VAT1L: variants seen among roughly 807,000 people sequenced by gnomAD.
VAT1L encodes putative NADPH-dependent quinone oxidoreductase VAT1L.
VAT1L carries 34 observed loss-of-function variants against 44.1 expected under a neutral mutation model. That is an observed-to-expected ratio of 0.77 (90% CI 0.59 to 1.03). The LOEUF is 1.03. Among genes scored for constraint, VAT1L ranks in the 50% least tolerant of loss-of-function variants. The probability of loss-of-function intolerance (pLI) is 0.00; values close to 1 mark genes in which losing one functional copy is unlikely to be tolerated. For synonymous variants in VAT1L, 253 were observed against 202.2 expected, an observed-to-expected ratio of 1.25 and a Z score of -2.13; for missense variants, 615 against 538.8, an observed-to-expected ratio of 1.14 and a Z score of -1.40.
chr16:77,918,832 C>A (rs577230937), intron 7 of VAT1L, among the ~76,000 whole-genome samples: 1 of 152,052 alleles, frequency 6.6e-6, no homozygotes, highest in Non-Finnish European at 1.5e-5. Context: ...AGGTTCAGAA[C>A]GCATAGCAGA....
intron 4 of VAT1L, 57 bp downstream of exon 4, chr16:77,862,947 G>C: frequency 6.4e-7 from 1 of 1,565,516 alleles, no homozygotes; most frequent in Non-Finnish European, 8.7e-7. Flanking sequence ...CTCTCAAAGA[G>C]CAGTAGCACT....
chr16:77,915,095 A>C (rs1407435614), intron 7 of VAT1L, among the ~76,000 whole-genome samples: 1 of 152,128 alleles, frequency 6.6e-6, no homozygotes, highest in African/African-American at 2.4e-5. Context: ...ATTGCACTCC[A>C]GCCTGGGTGA....
At chr16:77,808,866 C>T (rs1174953271) in intron 1 of VAT1L, among the ~76,000 whole-genome samples, 1 of 152,084 alleles carries the variant, frequency 6.6e-6, no homozygotes, top group South Asian at 2.1e-4. Context: ...CAAAGTGCTG[C>T]GATTATAGGC....
At chr16:77,949,928 T>G (rs1221864572) in intron 7 of VAT1L, among the ~76,000 whole-genome samples, 1 of 152,242 alleles carries the variant, frequency 6.6e-6, no homozygotes, top group African/African-American at 2.4e-5. Context: ...ACTTTTATTT[T>G]GGTGTTACTT....
intron 3 of VAT1L, among the ~76,000 whole-genome samples, chr16:77,835,916 C>T (rs1447956134): frequency 6.6e-6 from 1 of 152,018 alleles, no homozygotes; most frequent in Non-Finnish European, 1.5e-5. Flanking sequence ...CTCCTAAAAT[C>T]CTCCCTGTTG....
At chr16:77,813,951 C>T (rs1460425199) in intron 1 of VAT1L, among the ~76,000 whole-genome samples, 1 of 152,124 alleles carries the variant, frequency 6.6e-6, no homozygotes, top group Non-Finnish European at 1.5e-5. Context: ...AGAGAAGTTC[C>T]CCTTAAAGAG....
At chr16:77,889,758 G>A (rs1002746207) in intron 7 of VAT1L, among the ~76,000 whole-genome samples, 1 of 152,186 alleles carries the variant, frequency 6.6e-6, no homozygotes, top group Non-Finnish European at 1.5e-5. Flanking sequence ...AATTTCAACT[G>A]CAACTGGCTT....
In VAT1L at chr16:77,879,566, G is replaced by A. The variant is rs993156635; in HGVS notation, c.882+342G>A. On this transcript the variant is annotated intron_variant, in intron 6 of 8. Coordinates refer to ENST00000302536, the MANE Select transcript of VAT1L (RefSeq NM_020927.3). This position sits in a 1 kb window ranked among gnomAD's most constrained non-coding sequence, Gnocchi z 4.1. ...CTCCCAAAGTGCTGGGATTACAGGC[G>A]TGAGCCACCGCACCCAGCTGTGAGC... is the stretch of plus-strand genomic sequence containing the variant. Among the ~76,000 whole-genome samples, 3 of 152,184 alleles carry A rather than the reference G, an allele frequency of 2.0e-5. No individual in the cohort carries two copies. Among genetic ancestry groups the A allele is most frequent in the Non-Finnish European group, 2.9e-5 (2 of 68,036 alleles).
chr16:77,882,067 G>A (rs942978898), intron 6 of VAT1L: 10 of 152,300 alleles, frequency 6.6e-5, no homozygotes, highest in Non-Finnish European at 1.0e-4. Context: ...TTTGTACCTG[G>A]AGGTCAAGAA....
intron 7 of VAT1L, among the ~76,000 whole-genome samples, chr16:77,923,067 C>T (rs1482864201): frequency 6.6e-6 from 1 of 152,232 alleles, no homozygotes. Flanking sequence ...GTTCTCCCAG[C>T]TCTCAATTCC....
At chr16:77,864,231 C>T (rs973652286) in intron 4 of VAT1L, among the ~76,000 whole-genome samples, 6 of 152,170 alleles carry the variant, frequency 3.9e-5, no homozygotes, top group African/African-American at 1.2e-4. Flanking sequence ...GCCATTGTTT[C>T]GGCATTCTCA....
intron 7 of VAT1L, among the ~76,000 whole-genome samples, chr16:77,932,288 G>A (rs1279883023): frequency 6.6e-6 from 1 of 151,756 alleles, no homozygotes; most frequent in Non-Finnish European, 1.5e-5. Flanking sequence ...GTATTTTTTA[G>A]TAGAGACGGG....
intron 8 of VAT1L, among the ~76,000 whole-genome samples, chr16:77,976,518 C>T (rs887014206): frequency 2.0e-5 from 3 of 152,098 alleles, no homozygotes; most frequent in African/African-American, 7.2e-5. Flanking sequence ...GGGCCAAATT[C>T]CTGTTTGTCA....
In VAT1L at chr16:77,977,606, G is replaced by C; in HGVS notation, c.1171G>C (p.Asp391His). ...EKTPTPLMAN[D>H]STETSEAGEE... Reference sequence around the variant, plus strand: ...CTCTTTTGAATTACAGATGGCCAATGACAGCACAGAGACCAGTGAAGCAGG... The same window carrying C: ...CTCTTTTGAATTACAGATGGCCAATCACAGCACAGAGACCAGTGAAGCAGG... Residue 391 changes from aspartate to histidine, a missense_variant, in exon 9 of 9, where the codon GAC (aspartate) becomes CAC (histidine). Coordinates refer to ENST00000302536, the MANE Select transcript of VAT1L (RefSeq NM_020927.3). 4 of 1,614,036 alleles carry C rather than the reference G, an allele frequency of 2.5e-6. 1 individual carries two copies. Among genetic ancestry groups the C allele is most frequent in the South Asian group, 2.2e-5 (2 of 91,052 alleles).
At chr16:77,959,565 C>T (rs532777189) in intron 7 of VAT1L, among the ~76,000 whole-genome samples, 1 of 152,098 alleles carries the variant, frequency 6.6e-6, no homozygotes, top group East Asian at 1.9e-4. Flanking sequence ...CATGGAATTA[C>T]CCCCCTCTTG....
At chr16:77,927,673 C>T (rs1252142991) in intron 7 of VAT1L, among the ~76,000 whole-genome samples, 1 of 151,704 alleles carries the variant, frequency 6.6e-6, no homozygotes, top group African/African-American at 2.4e-5. Context: ...GTCAGGAGTT[C>T]GAGACCATCC....
At chr16:77,807,083 C>A (rs1337561030) in intron 1 of VAT1L, among the ~76,000 whole-genome samples, 2 of 152,302 alleles carry the variant, frequency 1.3e-5, no homozygotes, top group East Asian at 3.9e-4. Flanking sequence ...TTATAAGAAC[C>A]ACCAGATCTT....
intron 7 of VAT1L, among the ~76,000 whole-genome samples, chr16:77,919,359 A>G (rs973965156): frequency 1.3e-5 from 2 of 152,228 alleles, no homozygotes; most frequent in African/African-American, 4.8e-5. Context: ...GAAACAAAAC[A>G]TTCTCCAATT....
chr16:77,826,164 G>T (rs550196733), intron 3 of VAT1L, among the ~76,000 whole-genome samples: 3 of 148,440 alleles, frequency 2.0e-5, no homozygotes, highest in Admixed American at 1.3e-4. Context: ...CCGAGATCCC[G>T]CCACTGCACT....
Sources: gnomAD v4.1 joint callset for allele counts (sites outside exome capture counted in the v4.1 genomes callset) on GRCh38, gnomAD v4.1.1 for gene constraint, Gnocchi (gnomAD v3.1) non-coding constraint, MANE v1.5 for transcripts, NCBI Gene and HGNC (gene_info 2026-07-23, HGNC 2026-07-21) for gene names.